Variants in CLNK observed in about 807,000 individuals in gnomAD.
CLNK encodes the protein cytokine-dependent hematopoietic cell linker.
In CLNK, 74 loss-of-function variants were observed where a neutral mutation model predicts 68.6. The observed-to-expected ratio is 1.08, with a 90% CI of 0.89 to 1.31. CLNK has a LOEUF of 1.31. CLNK is among the 50% of genes most tolerant of loss of function. The pLI is 0.00. For synonymous variants in CLNK, 198 were observed against 172.2 expected, an observed-to-expected ratio of 1.15 and a Z score of -1.17; for missense variants, 553 against 515.3, an observed-to-expected ratio of 1.07 and a Z score of -0.71.
intron 3 of CLNK, among the ~76,000 whole-genome samples, chr4:10,590,657 A>C (rs1285496350): frequency 6.6e-6 from 1 of 152,222 alleles, no homozygotes; most frequent in Non-Finnish European, 1.5e-5. Context: ...TGACATTAGA[A>C]GGCTACTCTA....
chr4:10,510,367 C>A (rs144578827), intron 16 of CLNK, among the ~76,000 whole-genome samples: 1 of 152,286 alleles, frequency 6.6e-6, no homozygotes, highest in African/African-American at 2.4e-5. Flanking sequence ...GAAGAGCAGT[C>A]CTTATGCTGA....
chr4:10,508,078 G>A, intron 16 of CLNK, 42 bp from the exon 17 acceptor site: 1 of 1,434,712 alleles, frequency 7.0e-7, no homozygotes, highest in Non-Finnish European at 9.6e-7. Flanking sequence ...GGGTCAATGG[G>A]AAGTATGAAT....
At chr4:10,597,187 G>A (rs74368298) in intron 3 of CLNK, among the ~76,000 whole-genome samples, 1 of 152,328 alleles carries the variant, frequency 6.6e-6, no homozygotes, top group East Asian at 1.9e-4. Flanking sequence ...GGATGGACTT[G>A]AATTGGGATT....
At chr4:10,726,240 C>A in the CLNK span, among the ~76,000 whole-genome samples, 1 of 152,154 alleles carries the variant, frequency 6.6e-6, no homozygotes. Context: ...TCCTGCCTCA[C>A]GCCTCAGGTA....
Position 10,631,882 on chromosome 4 carries a change from T to G in CLNK, c.12-33833A>C, listed in dbSNP as rs373272846. Among the ~76,000 whole-genome samples, 41 of 152,340 alleles carry G rather than the reference T, an allele frequency of 2.7e-4. 2 individuals are homozygous for G. In the East Asian group the frequency reaches 7.3e-3, roughly 27 times the overall value. On this transcript the variant is annotated intron_variant, in intron 2 of 18. Transcript: ENST00000226951. ...CAGAGGTCACACAGCTATTGGACAATTGGGTAAGGATTCAAATATGTCTTT... is the reference window on the plus strand; with the variant it reads ...CAGAGGTCACACAGCTATTGGACAAGTGGGTAAGGATTCAAATATGTCTTT...
At chr4:10,722,583 C>A in the CLNK span, among the ~76,000 whole-genome samples, 5 of 152,176 alleles carry the variant, frequency 3.3e-5, no homozygotes, top group African/African-American at 1.2e-4. Flanking sequence ...TGAGGGTGTC[C>A]AGGTTTTTGG....
intron 4 of CLNK, among the ~76,000 whole-genome samples, chr4:10,578,238 A>G (rs1158287109): frequency 1.3e-5 from 2 of 152,208 alleles, no homozygotes; most frequent in African/African-American, 2.4e-5. Flanking sequence ...CACTCAACCC[A>G]GGTCGTTAGC....
chr4:10,492,180 G>C (rs1366008706), intron 18 of CLNK, among the ~76,000 whole-genome samples: 1 of 152,168 alleles, frequency 6.6e-6, no homozygotes, highest in Non-Finnish European at 1.5e-5. Flanking sequence ...CTTACTCAGA[G>C]TCTCCCATGG....
chr4:10,716,686 C>CTTTTTT, the CLNK span, among the ~76,000 whole-genome samples: 22 of 132,940 alleles, frequency 1.7e-4, 4 homozygotes, highest in South Asian at 2.4e-4. Context: ...AGACAGAAAA[C>CTTTTTT]TTTTTTTTTT....
At chr4:10,511,815 A>G (rs1717595055) in intron 16 of CLNK, among the ~76,000 whole-genome samples, 1 of 152,204 alleles carries the variant, frequency 6.6e-6, no homozygotes, top group South Asian at 2.1e-4. Flanking sequence ...AAATAATGTT[A>G]TGAACATGGG....
At chr4:10,729,182 G>A in the CLNK span, among the ~76,000 whole-genome samples, 1 of 152,102 alleles carries the variant, frequency 6.6e-6, no homozygotes, top group Admixed American at 6.5e-5. Context: ...TTGGCACTCT[G>A]TACCTTTTAA....
chr4:10,604,388 G>A (rs560192728), intron 2 of CLNK, among the ~76,000 whole-genome samples: 1 of 152,184 alleles, frequency 6.6e-6, no homozygotes, highest in Admixed American at 6.5e-5. Context: ...GGTGCCAGGT[G>A]TAAACTTCCT....
At chr4:10,699,512 A>ATATATATATTTT in the CLNK span, among the ~76,000 whole-genome samples, 8 of 32,754 alleles carry the variant, frequency 2.4e-4, no homozygotes, top group African/African-American at 8.1e-4. Context: ...ATATATATAT[A>ATATATATATTTT]TTTTTTTTTT....
At chr4:10,571,710 A>G in intron 5 of CLNK, 31 bp downstream of exon 5, 3 of 1,573,938 alleles carry the variant, frequency 1.9e-6, no homozygotes, top group Non-Finnish European at 1.7e-6. Context: ...TTAAAGACGT[A>G]TAAAATAGAT....
At chr4:10,629,142 C>T (rs965738854) in intron 2 of CLNK, among the ~76,000 whole-genome samples, 5 of 152,298 alleles carry the variant, frequency 3.3e-5, no homozygotes, top group East Asian at 3.9e-4. Flanking sequence ...TAAACTTCTG[C>T]GCCTCATTGA....
chr4:10,721,696 A>T, the CLNK span, among the ~76,000 whole-genome samples: 1 of 152,206 alleles, frequency 6.6e-6, no homozygotes, highest in Non-Finnish European at 1.5e-5. Flanking sequence ...TTAAACAGTA[A>T]TTATCGAGTT....
chr4:10,524,824 G>C (rs917952605), intron 14 of CLNK, among the ~76,000 whole-genome samples: 1 of 152,070 alleles, frequency 6.6e-6, no homozygotes, highest in Non-Finnish European at 1.5e-5. Context: ...ACGGGGGGAG[G>C]GGCTACAGGC....
chr4:10,609,580 G>A (rs1721931140), intron 2 of CLNK, among the ~76,000 whole-genome samples: 1 of 152,238 alleles, frequency 6.6e-6, no homozygotes, highest in Non-Finnish European at 1.5e-5. Context: ...AAGAGCAGCA[G>A]AGGAAATATT....
chr4:10,625,960 G>A (rs570615235), intron 2 of CLNK, among the ~76,000 whole-genome samples: 4 of 152,322 alleles, frequency 2.6e-5, no homozygotes, highest in East Asian at 3.9e-4. Context: ...CATTTCAACC[G>A]TTCTTTTAAT....
Sources: gnomAD v4.1 joint callset for allele counts (sites outside exome capture counted in the v4.1 genomes callset) on GRCh38, gnomAD v4.1.1 for gene constraint, MANE v1.5 for transcripts, NCBI Gene and HGNC (gene_info 2026-07-23, HGNC 2026-07-21) for gene names.